The following TET1 variants were observed in gnomAD, a reference collection of about 807,000 sequenced individuals.
TET1 encodes tet methylcytosine dioxygenase 1, also known as methylcytosine dioxygenase TET1.
In TET1, 13 loss-of-function variants were observed where a neutral mutation model predicts 148.7. The observed-to-expected ratio is 0.09, with a 90% CI of 0.06 to 0.14. The LOEUF is 0.14. Ranked by LOEUF, TET1 falls within the 10% of genes least tolerant of loss-of-function variation. The pLI, the probability that TET1 is intolerant of heterozygous loss-of-function variation, is 1.00. For missense variants in TET1, 2,182 were observed against 2,553.8 expected (o/e 0.85, Z 3.14); for synonymous variants, 907 against 937.2 (o/e 0.97, Z 0.59).
At chr10:68,690,323 T>G (rs910109508) in intron 11 of TET1, among the ~76,000 whole-genome samples, 2 of 152,144 alleles carry the variant, frequency 1.3e-5, no homozygotes, top group African/African-American at 4.8e-5. Flanking sequence ...TAAAGAAAAT[T>G]ATGGCCGGGC....
intron 4 of TET1, among the ~76,000 whole-genome samples, chr10:68,647,474 C>T (rs2054868261): frequency 6.6e-6 from 1 of 152,000 alleles, no homozygotes; most frequent in South Asian, 2.1e-4. Flanking sequence ...CATGGTGGTG[C>T]ACGCCTGCAA....
rs2055619136 is a variant in TET1 at position 68,693,519 on chromosome 10, G to A, written c.*1705G>A. On this transcript the variant is annotated 3_prime_UTR_variant, in exon 12 of 12. Coordinates refer to ENST00000373644, the MANE Select transcript of TET1 (RefSeq NM_030625.3). ...TGTTTTGAGCTTTTGACTAATCCAA[G>A]TAAAGGAATATGAAGGGATTGTAAA... 3 of 233,112 alleles carry A rather than the reference G, an allele frequency of 1.3e-5. No individual in the cohort carries two copies. The East Asian group carries it at 1.8e-4, about 14-fold the overall frequency. 14.4% of individuals were successfully genotyped at this position (233,112 alleles called of 1,614,324 possible). A position where few individuals can be genotyped will look rare whatever the true frequency, so the allele number is the denominator to read the frequency against.
At chr10:68,600,108 T>G (rs1032450249) in intron 2 of TET1, among the ~76,000 whole-genome samples, 3 of 152,160 alleles carry the variant, frequency 2.0e-5, no homozygotes, top group Non-Finnish European at 4.4e-5. Context: ...GCCTACACTG[T>G]CCTCACATAA....
chr10:68,647,683 T>C lies in TET1; in HGVS notation c.4276+678T>C, dbSNP rs1212143810. 2.6e-5 allele frequency among the ~76,000 whole-genome samples: 4 copies of C among 152,278 alleles called. 1 individual carries two copies. In the East Asian group the frequency reaches 7.7e-4, roughly 29 times the overall value. ...TTCCTATATTCAAAAAAATTTCAAC[T>C]TACAAGCCTTTCATTATATTTTTGT... is the stretch of plus-strand genomic sequence containing the variant. On this transcript the variant is annotated intron_variant, in intron 4 of 11. Transcript: ENST00000373644.
chr10:68,570,711 G>T (rs1239012687), intron 1 of TET1, among the ~76,000 whole-genome samples: 1 of 147,438 alleles, frequency 6.8e-6, no homozygotes, highest in Non-Finnish European at 1.5e-5. Context: ...CTCACTTCAA[G>T]CTCCGCCTCC....
chr10:68,620,690 A>C (rs779893017), intron 3 of TET1, among the ~76,000 whole-genome samples: 2 of 152,158 alleles, frequency 1.3e-5, no homozygotes, highest in Non-Finnish European at 2.9e-5. Flanking sequence ...GTACATACCA[A>C]GAAGTGGAAC....
At chr10:68,690,710 A>G (rs973710388) in intron 11 of TET1, 98 bp from the exon 12 acceptor site, 8 of 1,229,340 alleles carry the variant, frequency 6.5e-6, no homozygotes, top group South Asian at 3.4e-5. Context: ...GCGTTTTCTT[A>G]TATAATTCTT....
intron 3 of TET1, 56 bp from the exon 4 acceptor site, chr10:68,644,642 A>G (rs897051819): frequency 2.7e-6 from 4 of 1,466,284 alleles, no homozygotes; most frequent in Non-Finnish European, 3.6e-6. Context: ...TTAATCTTCT[A>G]TGGCTGTTAT....
At chr10:68,610,022 C>T (rs1418981448) in intron 3 of TET1, among the ~76,000 whole-genome samples, 3 of 151,846 alleles carry the variant, frequency 2.0e-5, no homozygotes, top group Non-Finnish European at 4.4e-5. Flanking sequence ...GGTGGCTCAC[C>T]CTTATAATCA....
intron 3 of TET1, among the ~76,000 whole-genome samples, chr10:68,625,508 G>C (rs1478474069): frequency 1.3e-5 from 2 of 152,042 alleles, no homozygotes; most frequent in East Asian, 3.9e-4. Context: ...GTTCCACAGA[G>C]GTGTAGATTA....
intron 2 of TET1, among the ~76,000 whole-genome samples, chr10:68,600,471 G>A (rs982783216): frequency 6.6e-6 from 1 of 152,182 alleles, no homozygotes; most frequent in Non-Finnish European, 1.5e-5. Flanking sequence ...AGCCGCACAG[G>A]AGATCCTTTG....
intron 6 of TET1, among the ~76,000 whole-genome samples, chr10:68,659,100 G>A (rs1311626615): frequency 2.0e-5 from 3 of 152,050 alleles, no homozygotes; most frequent in Non-Finnish European, 4.4e-5. Context: ...GGTGGCATAA[G>A]CCTGTAATCC....
intron 10 of TET1, among the ~76,000 whole-genome samples, chr10:68,686,085 G>A (rs34161012): frequency 0.1 from 15,959 of 152,016 alleles, 987 homozygotes; most frequent in South Asian, 0.17. Flanking sequence ...AGAATGTTTA[G>A]TATCAAAAAT....
chr10:68,587,467 C>T (rs532170491), intron 2 of TET1, among the ~76,000 whole-genome samples: 2 of 152,282 alleles, frequency 1.3e-5, no homozygotes, highest in South Asian at 4.1e-4. Context: ...TACTGGGCAA[C>T]ACAGAAGTTA....
intron 3 of TET1, among the ~76,000 whole-genome samples, chr10:68,626,626 C>T (rs974151868): frequency 6.6e-6 from 1 of 152,002 alleles, no homozygotes; most frequent in Non-Finnish European, 1.5e-5. Flanking sequence ...TCTCAGCTCA[C>T]TGCAACCTCT....
rs766288443 is a variant in TET1, at chr10:68,645,954, A to C, written c.3225A>C (p.Glu1075Asp). 6.2e-7 allele frequency: 1 copy of C among 1,614,146 alleles called. No individual in the cohort carries two copies. ...ATGCAACCCATACCCAAATTGAGGAAGATGTTGCAACACAGTTGACACAAC... is the reference window on the plus strand; with the variant it reads ...ATGCAACCCATACCCAAATTGAGGACGATGTTGCAACACAGTTGACACAAC... ...CQDATHTQIE[E>D]DVATQLTQLA... is the part of the protein sequence containing the mutation. Residue 1075 changes from glutamate (E) to aspartate (D), a missense_variant, in exon 4 of 12, where the codon GAA becomes GAC. Around this residue, in one of 11 missense-constraint regions of TET1, gnomAD observed 582 missense variants for 599.5 expected, o/e 0.97. Transcript: ENST00000373644.
chr10:68,594,114 C>T (rs1353398549), intron 2 of TET1, among the ~76,000 whole-genome samples: 2 of 151,498 alleles, frequency 1.3e-5, no homozygotes, highest in Admixed American at 6.6e-5. Context: ...TTAGTAAAGA[C>T]GGGGTTCCAC....
chr10:68,684,609 C>A (rs35263966), intron 10 of TET1, among the ~76,000 whole-genome samples: 15,948 of 152,094 alleles, frequency 0.1, 989 homozygotes, highest in South Asian at 0.17. Context: ...CTTCTCTGCG[C>A]TCTTTGACTT....
intron 4 of TET1, among the ~76,000 whole-genome samples, chr10:68,649,871 T>G (rs2054905749): frequency 6.6e-6 from 1 of 152,184 alleles, no homozygotes; most frequent in African/African-American, 2.4e-5. Flanking sequence ...TTTTATCTAC[T>G]GTCACTAACA....
Sources: gnomAD v4.1 joint callset for allele counts (sites outside exome capture counted in the v4.1 genomes callset) on GRCh38, gnomAD v4.1.1 for gene constraint, gnomAD v4.1.1 regional missense constraint, MANE v1.5 for transcripts, NCBI Gene and HGNC (gene_info 2026-07-23, HGNC 2026-07-21) for gene names.